The following CCDC187 variants were observed in gnomAD, a reference collection of about 807,000 sequenced individuals.
The protein encoded by CCDC187 is coiled-coil domain-containing protein 187.
Under a neutral mutation model 38.0 loss-of-function variants are expected in CCDC187, and 32 were observed. The observed-to-expected ratio is 0.84, with a 90% CI of 0.64 to 1.13. CCDC187 has a LOEUF of 1.13. CCDC187 is among the 50% of genes most tolerant of loss of function. The pLI is 0.00. For missense variants in CCDC187, 707 were observed against 786.8 expected (o/e 0.90, Z 1.21); for synonymous variants, 333 against 347.9 (o/e 0.96, Z 0.48).
At chr9:136,304,311 G>T (rs1226064325), upstream of CCDC187, among the ~76,000 whole-genome samples, 6 of 152,214 alleles carry the variant, frequency 3.9e-5, no homozygotes, top group African/African-American at 1.4e-4. Flanking sequence ...GGTTGGTGGG[G>T]GCGGGGCCTA....
intron 25 of CCDC187, 80 bp from the exon 26 acceptor site, chr9:136,255,214 G>A: frequency 1.4e-6 from 1 of 715,032 alleles, no homozygotes; most frequent in Non-Finnish European, 1.7e-6. Flanking sequence ...AAAGCCAGGA[G>A]GTCAGAACAG....
At chr9:136,295,272 G>C (rs1417698363) in intron 4 of CCDC187, among the ~76,000 whole-genome samples, 1 of 152,202 alleles carries the variant, frequency 6.6e-6, no homozygotes, top group East Asian at 1.9e-4. Flanking sequence ...GCCTGGGGAG[G>C]GGCTGCCCGC....
chr9:136,280,385 A>T (rs1302372904), intron 10 of CCDC187, among the ~76,000 whole-genome samples: 1 of 152,118 alleles, frequency 6.6e-6, no homozygotes, highest in Non-Finnish European at 1.5e-5. Context: ...CACACCCTGG[A>T]GACTGGGAGA....
chr9:136,302,437 G>A (rs1297660718), intron 2 of CCDC187, among the ~76,000 whole-genome samples: 6 of 147,828 alleles, frequency 4.1e-5, no homozygotes, highest in African/African-American at 1.5e-4. Context: ...CCAAATCCCA[G>A]GCTGACTTTT....
At chr9:136,297,341 C>T (rs919853236) in intron 4 of CCDC187, among the ~76,000 whole-genome samples, 44 of 151,846 alleles carry the variant, frequency 2.9e-4, no homozygotes, top group Non-Finnish European at 5.4e-4. Flanking sequence ...CTGCGGGTAC[C>T]GTGAGCTGCC....
intron 18 of CCDC187, among the ~76,000 whole-genome samples, chr9:136,263,192 C>T (rs1423959726): frequency 7.0e-6 from 1 of 142,080 alleles, no homozygotes; most frequent in Non-Finnish European, 1.5e-5. Context: ...CTCCCTCCAT[C>T]TGCCCCACCC....
chr9:136,305,601 C>T (rs1212869741), upstream of CCDC187, among the ~76,000 whole-genome samples: 2 of 152,318 alleles, frequency 1.3e-5, no homozygotes, highest in East Asian at 3.9e-4. Flanking sequence ...GCAGGGTCCT[C>T]CTGAGCAGAA....
At chr9:136,288,060 T>C (rs1439950711) in intron 7 of CCDC187, among the ~76,000 whole-genome samples, 2 of 152,096 alleles carry the variant, frequency 1.3e-5, no homozygotes, top group African/African-American at 4.8e-5. Flanking sequence ...GCCCTGCAGC[T>C]GCCCGAGACG....
At chr9:136,294,715 T>C (rs1459106623) in intron 4 of CCDC187, among the ~76,000 whole-genome samples, 1 of 152,172 alleles carries the variant, frequency 6.6e-6, no homozygotes, top group African/African-American at 2.4e-5. Flanking sequence ...GCTACATGGT[T>C]GCACCCACCA....
In CCDC187 at chr9:136,252,162, C is replaced by T. The variant is rs1166571232; in HGVS notation, c.*1432G>A. On this transcript the variant is annotated 3_prime_UTR_variant, in exon 26 of 26. Transcript: ENST00000638797. ...TGTCCACCAGGGGAAGAGCCGGCCG[C>T]CCACCCGGTCCACCCCGGGAAGAGC... The T allele has an allele frequency of 1.4e-4, 9 of 63,772 alleles. No individual in the cohort carries two copies. The highest frequency in any genetic ancestry group is 3.6e-4 in the African/African-American group (9 of 25,276). The allele number at this position is 63,772 out of a possible 1,614,324, so 4.0% of individuals were successfully genotyped here. A position where few individuals can be genotyped will look rare whatever the true frequency, so the allele number is the denominator to read the frequency against.
intron 2 of CCDC187, among the ~76,000 whole-genome samples, chr9:136,300,571 G>C (rs1019466864): frequency 9.2e-4 from 138 of 149,948 alleles, no homozygotes; most frequent in Non-Finnish European, 1.7e-3. Flanking sequence ...TGGCCACCAC[G>C]CTTGGCTAAT....
Position 136,302,830 on chromosome 9 carries a change from G to A in CCDC187, c.607C>T (p.Pro203Ser). The A allele has an allele frequency of 2.5e-6, 1 of 398,806 alleles. No homozygotes were observed. Among genetic ancestry groups the A allele is most frequent in the Non-Finnish European group, 4.4e-6 (1 of 226,184 alleles). The allele number at this position is 398,806 out of a possible 1,614,324, so 24.7% of individuals were successfully genotyped here. The change falls in exon 2 of 26, where the codon CCA becomes TCA. Residue 203 changes from proline (P) to serine (S), a missense_variant. Transcript: ENST00000638797. Reference sequence around the variant, plus strand: ...CACTGACCTGAGCATTCAGGGGCTGGAGGGGGATTTTTTGCCTCTTGGCCT... The same window carrying A: ...CACTGACCTGAGCATTCAGGGGCTGAAGGGGGATTTTTTGCCTCTTGGCCT... ...RKGQEAKNPP[P>S]APECSGFSIL...
rs971467232 is a variant in CCDC187, at chr9:136,254,790, G to T, written c.5038C>A (p.Pro1680Thr). ...ARHSSGEAGL[P>T]LSWRSNQGEP... ...CCCTGGTTTGACCGCCAGGACAAAG[G>T]CAGGCCAGCTTCCCCCGAGGAGTGT... Residue 1680 changes from proline to threonine, a missense_variant, in exon 26 of 26, where the codon CCT becomes ACT. Pro to Thr is a conservative substitution (Grantham distance 38). Coordinates refer to ENST00000638797, the MANE Select transcript of CCDC187 (RefSeq NM_001378188.1). 4.6e-5 allele frequency: 45 copies of T among 985,424 alleles called. No homozygotes were observed. Among genetic ancestry groups the T allele is most frequent in the Non-Finnish European group, 5.4e-5 (45 of 830,016 alleles). The allele number at this position is 985,424 out of a possible 1,614,324, so 61.0% of individuals were successfully genotyped here.
At chr9:136,255,181 C>A (rs778855286) in intron 25 of CCDC187, 47 bp from the exon 26 acceptor site, 1 of 930,510 alleles carries the variant, frequency 1.1e-6, no homozygotes, top group South Asian at 5.0e-5. Flanking sequence ...CACCCTGGAC[C>A]CCATGCATAT....
intron 16 of CCDC187, 195 bp downstream of exon 16, chr9:136,267,189 G>A (rs1554761747): frequency 6.0e-6 from 1 of 165,684 alleles, no homozygotes; most frequent in Non-Finnish European, 1.2e-5. Context: ...TGTGTATTGA[G>A]TACTTTACTG....
chr9:136,270,399 CAG>C (rs782159198), intron 14 of CCDC187, among the ~76,000 whole-genome samples: 14 of 152,018 alleles, frequency 9.2e-5, no homozygotes, highest in African/African-American at 3.1e-4. Flanking sequence ...GATCATAGGA[CAG>C]GGGGCCCTTC....
Position 136,290,848 on chromosome 9 carries a change from C to T in CCDC187, c.1765G>A (p.Gly589Ser). 1 of 398,596 alleles carries T rather than the reference C, an allele frequency of 2.5e-6. No homozygotes were observed. The highest frequency in any genetic ancestry group is 4.4e-5 in the Admixed American group (1 of 22,748). 24.7% of individuals were successfully genotyped at this position (398,596 alleles called of 1,614,324 possible). A position where few individuals can be genotyped will look rare whatever the true frequency, so the allele number is the denominator to read the frequency against. Residue 589 changes from glycine (G) to serine (S), a missense_variant, in exon 6 of 26, where the codon GGC (glycine) becomes AGC (serine). Coordinates refer to ENST00000638797, the MANE Select transcript of CCDC187 (RefSeq NM_001378188.1). ...GCAGCCGAGACGGGGGAGCCGATGC[C>T]TCTGCCCTTGCCCTGGGGGCCGGCC... is the stretch of plus-strand genomic sequence containing the variant. ...QRAGPQGKGR[G>S]IGSPVSAAKH...
chr9:136,274,068 C>G (rs1197367025), intron 14 of CCDC187, among the ~76,000 whole-genome samples: 1 of 152,218 alleles, frequency 6.6e-6, no homozygotes, highest in Non-Finnish European at 1.5e-5. Context: ...CAGGGAAAGC[C>G]GCTCAAAGGA....
chr9:136,287,680 T>G (rs36182043), intron 7 of CCDC187, among the ~76,000 whole-genome samples: 28,788 of 152,128 alleles, frequency 0.19, 3,079 homozygotes, highest in Middle Eastern at 0.35. Flanking sequence ...GCAGCAAGAC[T>G]GAGACCAAAC....
Sources: allele counts gnomAD v4.1 joint callset (sites outside exome capture counted in the v4.1 genomes callset), GRCh38; gene constraint gnomAD v4.1.1; transcripts MANE v1.5; gene names NCBI Gene and HGNC (gene_info 2026-07-23, HGNC 2026-07-21).